CCDC196: variants seen among roughly 807,000 people sequenced by gnomAD.
CCDC196 encodes the protein coiled-coil domain containing 196, also known as coiled-coil domain-containing protein 196.
At chr14:66,488,581 A>T (rs930529403) in intron 3 of CCDC196, among the ~76,000 whole-genome samples, 2 of 152,194 alleles carry the variant, frequency 1.3e-5, no homozygotes, top group Non-Finnish European at 2.9e-5. Context: ...TACCTATCAA[A>T]GTAAAAGAAA....
In CCDC196 at chr14:66,486,552, G is replaced by C. The variant is rs1014512008; in HGVS notation, c.50G>C (p.Arg17Thr). Residue 17 changes from arginine to threonine, a missense_variant and splice_region_variant, in exon 1 of 10, where the codon AGA becomes ACA. Transcript: ENST00000636229. ...GGATCTTACCTGCCCTCAGAAATAA[G>C]GTGAGTCTTTGATGGAAAATGCTGA... is the stretch of plus-strand genomic sequence containing the variant. The part of the protein sequence containing the change: ...SSGSYLPSEI[R>T]SSKIDDNYLK... The C allele has an allele frequency of 4.6e-5, 19 of 412,818 alleles. No homozygotes were observed. The highest frequency in any genetic ancestry group is 7.5e-5 in the Non-Finnish European group (17 of 226,062). 25.6% of individuals were successfully genotyped at this position (412,818 alleles called of 1,614,324 possible). A position where few individuals can be genotyped will look rare whatever the true frequency, so the allele number is the denominator to read the frequency against.
chr14:66,496,230 TC>T (rs1175845192), intron 8 of CCDC196: 1 of 456,080 alleles, frequency 2.2e-6, no homozygotes, highest in Non-Finnish European at 4.4e-6. Flanking sequence ...GCTTTTCTGT[TC>T]TAAGCATTTC....
At chr14:66,490,858 G>T (rs2057519111) in intron 5 of CCDC196, 39 bp downstream of exon 5, 1 of 403,558 alleles carries the variant, frequency 2.5e-6, no homozygotes, top group East Asian at 3.6e-5. Context: ...CAAGATTGTC[G>T]ATGTCACACA....
At position 66,496,254 on chromosome 14, in the gene CCDC196, G is replaced by T. The variant is rs17103564; in HGVS notation, c.716-1855G>T. 1.3e-3 allele frequency: 574 copies of T among 456,254 alleles called. 4 individuals carry two copies. The highest frequency in any genetic ancestry group is 0.011 in the African/African-American group (534 of 50,192). The allele number at this position is 456,254 out of a possible 1,614,324, so 28.3% of individuals were successfully genotyped here. On this transcript the variant is annotated intron_variant, in intron 8 of 9. Transcript: ENST00000636229. ...TTCTAAGCATTTCCAAGTAGATGAA[G>T]AGTTTACCTCAGTACTCTTAGCCAA...
intron 8 of CCDC196, chr14:66,495,543 A>G (rs1179035831): frequency 6.6e-6 from 1 of 152,238 alleles, no homozygotes; most frequent in Non-Finnish European, 1.5e-5. Context: ...CCTCTTCTAG[A>G]TCTAAACGCT....
rs1311107684 is a variant in CCDC196 at position 66,486,802 on chromosome 14, CA to C, written c.199del (p.Arg67GlyfsTer6). 9 of 412,948 alleles carry C rather than the reference CA, an allele frequency of 2.2e-5. No homozygotes were observed. Among genetic ancestry groups the C allele is most frequent in the Non-Finnish European group, 3.1e-5 (7 of 226,006 alleles). 25.6% of individuals were successfully genotyped at this position (412,948 alleles called of 1,614,324 possible). On this transcript the variant is annotated frameshift_variant, in exon 2 of 10. Transcript: ENST00000636229. LOFTEE classifies it high-confidence loss of function. ...QKLMSNLEEKQRSLQIMRQIM... is the reference protein window; with the variant it reads ...QKLMSNLEEKXRSLQIMRQIM... ...GTTAATGTCTAACTTGGAGGAAAAA[CA>C]AAGGAGGTACGGGCTCTTACTCTGG... is the stretch of plus-strand genomic sequence containing the variant.
At chr14:66,490,135 TGGGTTCTTGAGTCCTC>T (rs1167561425) in intron 4 of CCDC196, among the ~76,000 whole-genome samples, 1 of 152,226 alleles carries the variant, frequency 6.6e-6, no homozygotes, top group Admixed American at 6.5e-5. Context: ...TTTTAGTTCC[TGGGTTCTTGAGTCCTC>T]GTAATAGGAA....
At chr14:66,486,981 C>T (rs532520145) in intron 2 of CCDC196, among the ~76,000 whole-genome samples, 172 bp downstream of exon 2, 1 of 152,120 alleles carries the variant, frequency 6.6e-6, no homozygotes, top group African/African-American at 2.4e-5. Flanking sequence ...ACAACAAATC[C>T]TTTATTTTCT....
At chr14:66,489,755 T>C (rs1359277869) in intron 4 of CCDC196, among the ~76,000 whole-genome samples, 3 of 152,128 alleles carry the variant, frequency 2.0e-5, no homozygotes, top group Non-Finnish European at 4.4e-5. Context: ...AACAAATGAA[T>C]ACCTAATTCC....
chr14:66,494,012 CA>C (rs1419782517), intron 8 of CCDC196: 6 of 152,322 alleles, frequency 3.9e-5, no homozygotes, highest in Non-Finnish European at 8.8e-5. Flanking sequence ...GGGTTCCATT[CA>C]ACTTGATTGT....
At chr14:66,491,179 C>T in intron 6 of CCDC196, 75 bp downstream of exon 6, 1 of 408,906 alleles carries the variant, frequency 2.4e-6, no homozygotes, top group Non-Finnish European at 4.4e-6. Context: ...TAGTAATTTG[C>T]CTAAGGTATG....
Position 66,498,546 on chromosome 14 carries a change from G to A in CCDC196, c.*74G>A, listed in dbSNP as rs186159093. ...CCATTTGTGTTAATTAAAATCTCTCGCACCTTTGTTTTAGTGCTGTTTTCC... is the reference window on the plus strand; with the variant it reads ...CCATTTGTGTTAATTAAAATCTCTCACACCTTTGTTTTAGTGCTGTTTTCC... On this transcript the variant is annotated 3_prime_UTR_variant, in exon 10 of 10. Coordinates refer to ENST00000636229, the MANE Select transcript of CCDC196 (RefSeq NM_001351576.1). 23 of 408,804 alleles carry A rather than the reference G, an allele frequency of 5.6e-5. No homozygotes were observed. Among genetic ancestry groups the A allele is most frequent in the African/African-American group, 2.5e-4 (12 of 48,676 alleles). The allele number at this position is 408,804 out of a possible 1,614,324, so 25.3% of individuals were successfully genotyped here. A position where few individuals can be genotyped will look rare whatever the true frequency, so the allele number is the denominator to read the frequency against.
chr14:66,489,031 G>C lies in CCDC196; in HGVS notation c.345G>C (p.Trp115Cys). 2.4e-6 allele frequency: 1 copy of C among 413,220 alleles called. No homozygotes were observed. Among genetic ancestry groups the C allele is most frequent in the Non-Finnish European group, 4.4e-6 (1 of 225,976 alleles). The allele number at this position is 413,220 out of a possible 1,614,324, so 25.6% of individuals were successfully genotyped here. Residue 115 changes from tryptophan to cysteine, a missense_variant, in exon 4 of 10, where the codon TGG becomes TGC. Coordinates refer to ENST00000636229, the MANE Select transcript of CCDC196 (RefSeq NM_001351576.1). Reference sequence around the variant, plus strand: ...TTCGGAAGGAAATGGAGATGCTATGGAACAAGGTGTGCCTCTAAGGATCTA... The same window carrying C: ...TTCGGAAGGAAATGGAGATGCTATGCAACAAGGTGTGCCTCTAAGGATCTA... ...KMLRKEMEML[W>C]NKTFEAEELS...
chr14:66,486,950 TG>T, intron 2 of CCDC196, 141 bp downstream of exon 2: 1 of 400,832 alleles, frequency 2.5e-6, no homozygotes, highest in Non-Finnish European at 4.5e-6. Context: ...GCAAACAATT[TG>T]TAACTACCAA....
intron 8 of CCDC196, chr14:66,496,347 C>CA (rs2057666087): frequency 2.2e-6 from 1 of 456,222 alleles, no homozygotes; most frequent in Non-Finnish European, 4.4e-6. Flanking sequence ...GTGTAGCTGG[C>CA]AAAATACAAT....
intron 4 of CCDC196, among the ~76,000 whole-genome samples, 159 bp downstream of exon 4, chr14:66,489,196 A>G (rs1376384607): frequency 1.3e-5 from 2 of 152,160 alleles, no homozygotes; most frequent in East Asian, 3.8e-4. Flanking sequence ...GATCTTTTTA[A>G]AACAATCAAA....
Position 66,492,777 on chromosome 14 carries a change from AAT to A in CCDC196, c.715+586_715+587del, listed in dbSNP as rs1379328871. ...CTGATATATAGCTAGCACTCAATAA[AAT>A]ATGTTTCCTTTCCACCTCATCCCCT... On this transcript the variant is annotated intron_variant, in intron 8 of 9. Coordinates refer to ENST00000636229, the MANE Select transcript of CCDC196 (RefSeq NM_001351576.1). 5 of 152,760 alleles carry A rather than the reference AAT, an allele frequency of 3.3e-5. No homozygotes were observed. In the South Asian group the frequency reaches 8.3e-4, roughly 25 times the overall value. 9.5% of individuals were successfully genotyped at this position (152,760 alleles called of 1,614,324 possible).
In CCDC196 at chr14:66,489,699, T is replaced by C. The variant is rs769018131; in HGVS notation, c.351+662T>C. Among the ~76,000 whole-genome samples, 52 of 152,240 alleles carry C rather than the reference T, an allele frequency of 3.4e-4. 1 individual carries two copies. The highest frequency in any genetic ancestry group is 6.0e-4 in the Non-Finnish European group (41 of 68,042). ...TCCAAATCTATAGCTCCTAGCACAA[T>C]GCTTGGAACATAGTAGAGAATCAAT... On this transcript the variant is annotated intron_variant, in intron 4 of 9. Transcript: ENST00000636229.
intron 7 of CCDC196, 46 bp from the exon 8 acceptor site, chr14:66,492,007 A>G (rs547489408): frequency 2.4e-6 from 1 of 412,478 alleles, no homozygotes; most frequent in South Asian, 1.3e-4. Context: ...ATGGATTCAG[A>G]GAAGCCAATC....
Sources: allele counts gnomAD v4.1 joint callset (sites outside exome capture counted in the v4.1 genomes callset), GRCh38; gene constraint gnomAD v4.1.1; transcripts MANE v1.5; gene names NCBI Gene and HGNC (gene_info 2026-07-23, HGNC 2026-07-21).